Variants in DRC11 observed in about 807,000 individuals in gnomAD.
DRC11 encodes the protein dynein regulatory complex subunit 11.
chr2:236,407,810 G>T, the DRC11 span: 4 of 266,862 alleles, frequency 1.5e-5, no homozygotes, highest in East Asian at 1.0e-4. Context: ...ATAACTTTTA[G>T]TGAGACCTCA....
the DRC11 span, among the ~76,000 whole-genome samples, chr2:236,312,597 T>G: frequency 6.6e-6 from 1 of 151,484 alleles, no homozygotes; most frequent in Non-Finnish European, 1.5e-5. Flanking sequence ...ATCTATATAG[T>G]GAAAAGAAAA....
At chr2:236,372,248 T>C in the DRC11 span, among the ~76,000 whole-genome samples, 13 of 152,240 alleles carry the variant, frequency 8.5e-5, no homozygotes, top group Non-Finnish European at 1.6e-4. This position sits in a 1 kb window ranked among gnomAD's most constrained non-coding sequence, Gnocchi z 4.5. Context: ...TATTTCCATT[T>C]AGGAAATATA....
chr2:236,472,875 C>T, the DRC11 span, among the ~76,000 whole-genome samples: 2 of 152,288 alleles, frequency 1.3e-5, no homozygotes, highest in South Asian at 4.1e-4. This position sits in a 1 kb window ranked among gnomAD's most constrained non-coding sequence, Gnocchi z 4.6. Flanking sequence ...TCCCAACTGT[C>T]CCCCAATCCC....
At chr2:236,462,998 T>C in the DRC11 span, among the ~76,000 whole-genome samples, 4 of 152,166 alleles carry the variant, frequency 2.6e-5, no homozygotes, top group African/African-American at 9.7e-5. The surrounding 1 kb of genome is among the most constrained non-coding windows in gnomAD (Gnocchi z 6.4). Context: ...TTGGTGAAGA[T>C]GCAAGTCTTA....
At chr2:236,357,110 T>TA in the DRC11 span, among the ~76,000 whole-genome samples, 1 of 133,328 alleles carries the variant, frequency 7.5e-6, no homozygotes, top group Non-Finnish European at 1.5e-5. Context: ...GTATATTATA[T>TA]ATCTATATAT....
the DRC11 span, among the ~76,000 whole-genome samples, chr2:236,369,829 G>A: frequency 2.0e-5 from 3 of 152,076 alleles, no homozygotes; most frequent in South Asian, 2.1e-4. This position sits in a 1 kb window ranked among gnomAD's most constrained non-coding sequence, Gnocchi z 4.5. Context: ...CAGCATTCCC[G>A]GCACAGACAT....
the DRC11 span, among the ~76,000 whole-genome samples, chr2:236,417,843 C>G: frequency 6.6e-6 from 1 of 151,624 alleles, no homozygotes; most frequent in African/African-American, 2.4e-5. Flanking sequence ...GTTTTCTGTT[C>G]CTGTGTTAGT....
chr2:236,352,916 G>C, the DRC11 span, among the ~76,000 whole-genome samples: 1 of 152,132 alleles, frequency 6.6e-6, no homozygotes, highest in African/African-American at 2.4e-5. This position sits in a 1 kb window ranked among gnomAD's most constrained non-coding sequence, Gnocchi z 7.0. Context: ...CCAGGTGGAG[G>C]GGCCTGGACA....
the DRC11 span, chr2:236,324,924 G>A: frequency 6.6e-6 from 4 of 603,944 alleles, no homozygotes; most frequent in East Asian, 8.7e-5. The surrounding 1 kb of genome is among the most constrained non-coding windows in gnomAD (Gnocchi z 5.7). Context: ...CTTGACACAA[G>A]CTCTTTCTCA....
At chr2:236,316,868 T>A in the DRC11 span, among the ~76,000 whole-genome samples, 1 of 152,196 alleles carries the variant, frequency 6.6e-6, no homozygotes, top group African/African-American at 2.4e-5. This position sits in a 1 kb window ranked among gnomAD's most constrained non-coding sequence, Gnocchi z 6.8. Flanking sequence ...TGCGACCACA[T>A]GTGATGATGC....
At chr2:236,327,447 G>C in the DRC11 span, among the ~76,000 whole-genome samples, 3 of 151,978 alleles carry the variant, frequency 2.0e-5, no homozygotes, top group African/African-American at 7.2e-5. Context: ...GTTTTGCCAC[G>C]TTGGTCAGGC....
chr2:236,420,445 G>A, the DRC11 span, among the ~76,000 whole-genome samples: 1 of 152,210 alleles, frequency 6.6e-6, no homozygotes, highest in Non-Finnish European at 1.5e-5. The surrounding 1 kb of genome is among the most constrained non-coding windows in gnomAD (Gnocchi z 4.8). Flanking sequence ...GTAAGGGAAT[G>A]ACAAACTCCA....
At chr2:236,444,983 C>T in the DRC11 span, among the ~76,000 whole-genome samples, 2 of 152,318 alleles carry the variant, frequency 1.3e-5, no homozygotes, top group South Asian at 2.1e-4. Context: ...AAACTGACCA[C>T]GCTCCGCCAC....
the DRC11 span, among the ~76,000 whole-genome samples, chr2:236,317,124 C>T: frequency 0.023 from 3,570 of 152,120 alleles, 148 homozygotes; most frequent in African/African-American, 0.083. The surrounding 1 kb of genome is among the most constrained non-coding windows in gnomAD (Gnocchi z 5.4). Flanking sequence ...GGTGAAACTC[C>T]GTCTCTACTA....
chr2:236,315,581 T>C, the DRC11 span, among the ~76,000 whole-genome samples: 1 of 152,190 alleles, frequency 6.6e-6, no homozygotes, highest in African/African-American at 2.4e-5. This position sits in a 1 kb window ranked among gnomAD's most constrained non-coding sequence, Gnocchi z 5.1. Flanking sequence ...CTATTCACAA[T>C]AGCAAAGACA....
chr2:236,340,889 G>T, the DRC11 span, among the ~76,000 whole-genome samples: 1 of 152,112 alleles, frequency 6.6e-6, no homozygotes, highest in Non-Finnish European at 1.5e-5. Context: ...GACAGAAATT[G>T]GTGTGTCATT....
chr2:236,424,072 G>T, the DRC11 span, among the ~76,000 whole-genome samples: 1 of 116,604 alleles, frequency 8.6e-6, no homozygotes, highest in South Asian at 3.3e-4. Flanking sequence ...GAGGGGGGAG[G>T]GATAGCATTG....
chr2:236,347,508 C>CTATATATATA, the DRC11 span, among the ~76,000 whole-genome samples: 556 of 107,496 alleles, frequency 5.2e-3, 23 homozygotes, highest in African/African-American at 0.015. Context: ...AAAAACTGTG[C>CTATATATATA]TATATATATA....
chr2:236,468,356 T>C, the DRC11 span, among the ~76,000 whole-genome samples: 1 of 152,168 alleles, frequency 6.6e-6, no homozygotes, highest in African/African-American at 2.4e-5. Context: ...CCTCTTAAAG[T>C]GATGGGATCA....
Sources: allele counts gnomAD v4.1 joint callset (sites outside exome capture counted in the v4.1 genomes callset), GRCh38; gene constraint gnomAD v4.1.1; non-coding constraint Gnocchi (gnomAD v3.1); transcripts MANE v1.5; gene names NCBI Gene and HGNC (gene_info 2026-07-23, HGNC 2026-07-21).